The following USH2A variants were observed in gnomAD, a reference collection of about 807,000 sequenced individuals.
USH2A encodes the protein Usher syndrome 2A (autosomal recessive, mild).
A neutral mutation model predicts 538.9 loss-of-function variants in USH2A; 443 were observed. The ratio of observed to expected loss-of-function variants is 0.82; its 90% CI spans 0.76 to 0.89. The LOEUF (loss-of-function observed/expected upper bound fraction) is 0.89, where lower values mean the gene tolerates loss of function less well. Ranked by LOEUF, USH2A falls within the 40% of genes least tolerant of loss-of-function variation. USH2A has a pLI of 0.00. For synonymous variants in USH2A, 2,413 were observed against 2,273.5 expected (o/e 1.06, Z -1.75); for missense variants, 6,633 against 6,324.8 (o/e 1.05, Z -1.65).
At chr1:216,318,451 G>A (rs2037547258) in intron 9 of USH2A, among the ~76,000 whole-genome samples, 1 of 152,080 alleles carries the variant, frequency 6.6e-6, no homozygotes, top group African/African-American at 2.4e-5. Flanking sequence ...TACTTTGAAT[G>A]GTAACAAAGG....
intron 34 of USH2A, among the ~76,000 whole-genome samples, chr1:215,993,509 A>AAC (rs66804361): frequency 0.013 from 1,876 of 146,428 alleles, 24 homozygotes; most frequent in African/African-American, 0.026. Flanking sequence ...GAGTGAATTA[A>AAC]ACACACACAC....
intron 38 of USH2A, among the ~76,000 whole-genome samples, chr1:215,904,578 C>T (rs1318497795): frequency 6.6e-6 from 1 of 152,026 alleles, no homozygotes; most frequent in Admixed American, 6.6e-5. Flanking sequence ...AGCCATAATT[C>T]CACTGCTGGT....
chr1:216,411,974 T>C (rs1178108183), intron 3 of USH2A, among the ~76,000 whole-genome samples: 2 of 152,186 alleles, frequency 1.3e-5, no homozygotes, highest in Non-Finnish European at 2.9e-5. Context: ...CATGTGATCA[T>C]GTAGCACTTA....
intron 21 of USH2A, among the ~76,000 whole-genome samples, chr1:216,147,389 G>A (rs534315072): frequency 6.6e-6 from 1 of 152,166 alleles, no homozygotes; most frequent in Non-Finnish European, 1.5e-5. Context: ...TAAAAAGGTG[G>A]CTGGAGCTAA....
rs906482607 is a variant in USH2A, at chr1:216,029,846, C to A, written c.6325+16585G>T. On this transcript the variant is annotated intron_variant, in intron 32 of 71. Transcript: ENST00000307340. ...ATTAGGAGGGCCCTGTTATGATGTC[C>A]TAACACAGACAATAAAAATCAAAAG... is the stretch of plus-strand genomic sequence containing the variant. Among the ~76,000 whole-genome samples the A allele has an allele frequency of 3.3e-5, 5 of 151,378 alleles. No individual in the cohort carries two copies. In the East Asian group the frequency reaches 7.7e-4, roughly 23 times the overall value.
chr1:216,392,473 CA>C (rs1332579392), intron 3 of USH2A, among the ~76,000 whole-genome samples: 1 of 112,976 alleles, frequency 8.9e-6, no homozygotes, highest in Non-Finnish European at 1.6e-5. Context: ...GCCTGGATGA[CA>C]GAGCAAGACT....
intron 35 of USH2A, among the ~76,000 whole-genome samples, chr1:215,974,310 C>G (rs1667568456): frequency 6.6e-6 from 1 of 152,018 alleles, no homozygotes; most frequent in Non-Finnish European, 1.5e-5. Flanking sequence ...ATGCTTTTTT[C>G]TTTAACTAGA....
intron 11 of USH2A, among the ~76,000 whole-genome samples, chr1:216,287,112 G>GT (rs566308939): frequency 6.5e-4 from 99 of 152,158 alleles, no homozygotes; most frequent in Middle Eastern, 3.2e-3. Context: ...CACAAAGGTG[G>GT]TTTTATTCCA....
intron 14 of USH2A, among the ~76,000 whole-genome samples, chr1:216,221,885 G>A (rs2035463420): frequency 6.6e-6 from 1 of 152,276 alleles, no homozygotes; most frequent in East Asian, 1.9e-4. Flanking sequence ...AATAAGACTA[G>A]GCAAGAAAGT....
chr1:216,283,783 G>C (rs1449453713), intron 11 of USH2A, among the ~76,000 whole-genome samples: 1 of 152,058 alleles, frequency 6.6e-6, no homozygotes, highest in African/African-American at 2.4e-5. Flanking sequence ...TATTTCTTTG[G>C]ATCATAATTG....
chr1:216,123,830 A>G (rs1369329688), intron 21 of USH2A, among the ~76,000 whole-genome samples: 1 of 152,164 alleles, frequency 6.6e-6, no homozygotes, highest in Non-Finnish European at 1.5e-5. Context: ...TTAAACACCT[A>G]AGAAAGTTTT....
At chr1:216,322,999 A>C (rs921014972) in intron 8 of USH2A, among the ~76,000 whole-genome samples, 21 of 152,094 alleles carry the variant, frequency 1.4e-4, no homozygotes, top group African/African-American at 5.1e-4. Context: ...CCACTAAAGA[A>C]AAACAAGTAT....
At chr1:216,322,250 C>T (rs764649722) in intron 8 of USH2A, among the ~76,000 whole-genome samples, 1 of 152,066 alleles carries the variant, frequency 6.6e-6, no homozygotes, top group Non-Finnish European at 1.5e-5. Context: ...TTTTTTATAT[C>T]TATACCAACC....
chr1:216,104,313 G>A (rs1474510714), intron 21 of USH2A, among the ~76,000 whole-genome samples: 4 of 151,768 alleles, frequency 2.6e-5, no homozygotes, highest in South Asian at 4.2e-4. Flanking sequence ...GAGAACATGC[G>A]GTGTTTGGTT....
chr1:216,249,040 C>T (rs1236412179), intron 12 of USH2A, among the ~76,000 whole-genome samples: 11 of 151,872 alleles, frequency 7.2e-5, no homozygotes, highest in South Asian at 2.1e-4. Context: ...CTTTCTGAAG[C>T]GTATACAACA....
At chr1:215,954,256 C>T (rs893779756) in intron 37 of USH2A, among the ~76,000 whole-genome samples, 1 of 152,068 alleles carries the variant, frequency 6.6e-6, no homozygotes, top group Non-Finnish European at 1.5e-5. Context: ...TATAAAGACA[C>T]ATGCACACGT....
chr1:216,016,439 C>T (rs889856559), intron 32 of USH2A, among the ~76,000 whole-genome samples: 1 of 152,154 alleles, frequency 6.6e-6, no homozygotes, highest in African/African-American at 2.4e-5. Context: ...ACATACTAAA[C>T]TCAACAAATT....
chr1:216,239,234 T>G (rs1372594312), intron 13 of USH2A, among the ~76,000 whole-genome samples: 1 of 152,186 alleles, frequency 6.6e-6, no homozygotes, highest in Non-Finnish European at 1.5e-5. Flanking sequence ...AGACTATATC[T>G]TGTTTTGTTA....
intron 21 of USH2A, among the ~76,000 whole-genome samples, chr1:216,112,171 G>A (rs979827025): frequency 1.3e-5 from 2 of 151,894 alleles, no homozygotes; most frequent in Non-Finnish European, 2.9e-5. Flanking sequence ...AAATATGAGC[G>A]CCCTGGAATG....
Sources: allele counts gnomAD v4.1 joint callset (sites outside exome capture counted in the v4.1 genomes callset), GRCh38; gene constraint gnomAD v4.1.1; transcripts MANE v1.5; gene names NCBI Gene and HGNC (gene_info 2026-07-23, HGNC 2026-07-21).